Variants in CBFA2T2 observed in about 807,000 individuals in gnomAD.
CBFA2T2 encodes protein CBFA2T2.
In CBFA2T2, 11 loss-of-function variants were observed where a neutral mutation model predicts 62.2. The ratio of observed to expected loss-of-function variants is 0.18; its 90% CI spans 0.11 to 0.29. The LOEUF (loss-of-function observed/expected upper bound fraction) is 0.29. Among genes scored for constraint, CBFA2T2 ranks in the 10% least tolerant of loss-of-function variants. The pLI is 1.00. For missense variants in CBFA2T2, 592 were observed against 774.1 expected (o/e 0.76, Z 2.79); for synonymous variants, 295 against 287.5 (o/e 1.03, Z -0.27).
intron 1 of CBFA2T2, among the ~76,000 whole-genome samples, chr20:33,517,689 C>CT (rs34816419): frequency 3.8e-4 from 51 of 135,434 alleles, no homozygotes; most frequent in Middle Eastern, 3.7e-3. Flanking sequence ...TATATTTTGC[C>CT]TTTTTTTTTT....
chr20:33,509,750 A>G (rs2011474919), intron 1 of CBFA2T2, among the ~76,000 whole-genome samples: 1 of 151,968 alleles, frequency 6.6e-6, no homozygotes, highest in Non-Finnish European at 1.5e-5. Flanking sequence ...AATCTCTTGA[A>G]CGTGGGAGGC....
At chr20:33,534,148 A>G (rs1276346808) in intron 1 of CBFA2T2, among the ~76,000 whole-genome samples, 1 of 152,180 alleles carries the variant, frequency 6.6e-6, no homozygotes, top group Non-Finnish European at 1.5e-5. Context: ...TTTCCTTTGT[A>G]AATACATAGG....
chr20:33,631,588 T>A (rs557421795), intron 8 of CBFA2T2, among the ~76,000 whole-genome samples: 3 of 152,078 alleles, frequency 2.0e-5, no homozygotes, highest in Non-Finnish European at 4.4e-5. Context: ...CTTGCTGGAG[T>A]CATTTAAACA....
rs1240033535 is a variant in CBFA2T2, at chr20:33,505,958, C to T, written c.34+15657C>T. On this transcript the variant is annotated intron_variant, in intron 1 of 10. Transcript: ENST00000342704. The stretch of plus-strand genomic sequence containing the variant: ...GTATGAAAATTAGCCAGACTGGTGG[C>T]GCACGCCTGTAATCCTAGCTATTAG... 6.0e-5 allele frequency among the ~76,000 whole-genome samples: 9 copies of T among 149,992 alleles called. 1 individual carries two copies. Among genetic ancestry groups the T allele is most frequent in the South Asian group, 4.2e-4 (2 of 4,712 alleles).
chr20:33,547,717 GT>G (rs2012621511), intron 1 of CBFA2T2, among the ~76,000 whole-genome samples: 2 of 151,444 alleles, frequency 1.3e-5, no homozygotes, highest in South Asian at 4.2e-4. Flanking sequence ...GTGTGTGTGT[GT>G]GTGTGTGTGT....
chr20:33,501,477 T>C (rs2011278189), intron 1 of CBFA2T2, among the ~76,000 whole-genome samples: 1 of 152,106 alleles, frequency 6.6e-6, no homozygotes, highest in Non-Finnish European at 1.5e-5. Flanking sequence ...TAGCTGAGAT[T>C]AGGGAAATGC....
Position 33,648,309 on chromosome 20 carries a change from C to T in CBFA2T2, c.*3663C>T, listed in dbSNP as rs1046282968. On this transcript the variant is annotated 3_prime_UTR_variant, in exon 11 of 11. Transcript: ENST00000342704. The stretch of plus-strand genomic sequence containing the variant: ...GGTGAGACCAGTGCTCAGCACCACC[C>T]GCCAAGGAACACTGATGAGTTGTGG... 6.6e-6 allele frequency: 1 copy of T among 152,264 alleles called. No homozygotes were observed. The highest frequency in any genetic ancestry group is 1.5e-5 in the Non-Finnish European group (1 of 68,074). 9.4% of individuals were successfully genotyped at this position (152,264 alleles called of 1,614,324 possible). A position where few individuals can be genotyped will look rare whatever the true frequency, so the allele number is the denominator to read the frequency against.
chr20:33,535,924 GCCCTTA>G (rs2012205338), intron 1 of CBFA2T2, among the ~76,000 whole-genome samples: 1 of 152,144 alleles, frequency 6.6e-6, no homozygotes, highest in Non-Finnish European at 1.5e-5. Context: ...ATCTTGCACC[GCCCTTA>G]ATCCATTTAA....
At chr20:33,638,470 C>T (rs1395485128) in intron 9 of CBFA2T2, among the ~76,000 whole-genome samples, 1 of 152,144 alleles carries the variant, frequency 6.6e-6, no homozygotes, top group East Asian at 1.9e-4. Context: ...TTAATTCATG[C>T]TTAAGCTGAG....
intron 1 of CBFA2T2, among the ~76,000 whole-genome samples, chr20:33,602,638 A>G (rs1051472428): frequency 2.0e-5 from 3 of 152,102 alleles, no homozygotes; most frequent in African/African-American, 7.2e-5. Flanking sequence ...ATTGAACCCT[A>G]CATACATTCC....
chr20:33,500,338 CCA>C (rs2011258051), intron 1 of CBFA2T2, among the ~76,000 whole-genome samples: 1 of 151,872 alleles, frequency 6.6e-6, no homozygotes, highest in African/African-American at 2.4e-5. Flanking sequence ...CTACAGGAGC[CCA>C]GAGCTTCCTG....
chr20:33,595,845 C>G (rs2014863117), intron 1 of CBFA2T2, among the ~76,000 whole-genome samples: 1 of 152,162 alleles, frequency 6.6e-6, no homozygotes, highest in African/African-American at 2.4e-5. Context: ...TGGCCTACAG[C>G]ACTTTTTAAT....
rs1263787245 is a variant in CBFA2T2, at chr20:33,648,299, CAG to C, written c.*3654_*3655del. On this transcript the variant is annotated 3_prime_UTR_variant, in exon 11 of 11. Transcript: ENST00000342704. ...ACATGTCTAGGGTGAGACCAGTGCTCAGCACCACCCGCCAAGGAACACTGATG... is the reference window on the plus strand; with the variant it reads ...ACATGTCTAGGGTGAGACCAGTGCTCCACCACCCGCCAAGGAACACTGATG... The C allele has an allele frequency of 6.6e-6, 1 of 152,252 alleles. No individual in the cohort carries two copies. Among genetic ancestry groups the C allele is most frequent in the Non-Finnish European group, 1.5e-5 (1 of 68,074 alleles). The allele number at this position is 152,252 out of a possible 1,614,324, so 9.4% of individuals were successfully genotyped here.
intron 10 of CBFA2T2, among the ~76,000 whole-genome samples, chr20:33,642,408 C>T (rs1038964727): frequency 3.9e-5 from 6 of 151,962 alleles, no homozygotes; most frequent in Non-Finnish European, 7.4e-5. Context: ...TCAAGACCAG[C>T]CTTGGCTAGA....
Position 33,559,172 on chromosome 20 carries a change from C to CTTT in CBFA2T2, c.35-47765_35-47763dup, listed in dbSNP as rs376048540. On this transcript the variant is annotated intron_variant, in intron 1 of 10. Coordinates refer to ENST00000342704, the MANE Select transcript of CBFA2T2 (RefSeq NM_001032999.3). ...CAATTGCAGCTTCTTTTTTTCCTTT[C>CTTT]TTTTTTTTTTTTTTTTTTTTTCTGA... 3.9e-3 allele frequency among the ~76,000 whole-genome samples: 346 copies of CTTT among 87,612 alleles called. 22 individuals carry two copies. The highest frequency in any genetic ancestry group is 0.015 in the African/African-American group (289 of 19,088). The allele number at this position is 87,612 out of a possible 152,430, so 57.5% of individuals were successfully genotyped here.
intron 1 of CBFA2T2, among the ~76,000 whole-genome samples, chr20:33,503,572 G>GA (rs1555828205): frequency 6.6e-6 from 1 of 151,636 alleles, no homozygotes; most frequent in Admixed American, 6.6e-5. Context: ...GTATTTTTAG[G>GA]AAAAAAATTA....
intron 1 of CBFA2T2, among the ~76,000 whole-genome samples, chr20:33,582,124 A>G (rs987240512): frequency 1.3e-5 from 2 of 152,184 alleles, no homozygotes; most frequent in Non-Finnish European, 2.9e-5. Flanking sequence ...GAAGGTTGGA[A>G]TATCAGCTTC....
chr20:33,550,124 T>C (rs1320198168), intron 1 of CBFA2T2, among the ~76,000 whole-genome samples: 1 of 152,210 alleles, frequency 6.6e-6, no homozygotes, highest in Non-Finnish European at 1.5e-5. Flanking sequence ...CGTTCTACAT[T>C]GTCTTTGCAA....
intron 9 of CBFA2T2, 58 bp from the exon 10 acceptor site, chr20:33,640,283 G>C: frequency 6.7e-7 from 1 of 1,498,930 alleles, no homozygotes; most frequent in African/African-American, 1.4e-5. Flanking sequence ...TAGAATTGCC[G>C]TGGGATGGGA....
Sources: allele counts gnomAD v4.1 joint callset (sites outside exome capture counted in the v4.1 genomes callset), GRCh38; gene constraint gnomAD v4.1.1; transcripts MANE v1.5; gene names NCBI Gene and HGNC (gene_info 2026-07-23, HGNC 2026-07-21).